The following RBFOX1 variants were observed in gnomAD, a reference collection of about 807,000 sequenced individuals.
The protein encoded by RBFOX1 is RNA binding fox-1 homolog 1.
In RBFOX1, 8 loss-of-function variants were observed where a neutral mutation model predicts 57.7. The observed-to-expected ratio is 0.14, with a 90% CI of 0.08 to 0.25. The LOEUF is 0.25. RBFOX1 is among the 10% of genes least tolerant of loss of function. RBFOX1 has a pLI of 1.00. For synonymous variants in RBFOX1, 326 were observed against 222.4 expected, an observed-to-expected ratio of 1.47 and a Z score of -4.15; for missense variants, 611 against 548.5, an observed-to-expected ratio of 1.11 and a Z score of -1.14.
At chr16:6,409,358 G>C (rs1412165500) in intron 2 of RBFOX1, among the ~76,000 whole-genome samples, 2 of 152,170 alleles carry the variant, frequency 1.3e-5, no homozygotes, top group African/African-American at 4.8e-5. Context: ...ATGTTGCAGT[G>C]AGCCGAGATC....
intron 6 of RBFOX1, among the ~76,000 whole-genome samples, chr16:7,584,865 C>T (rs545080778): frequency 3.3e-5 from 5 of 152,236 alleles, no homozygotes; most frequent in South Asian, 2.1e-4. Flanking sequence ...CTTTGAGAAC[C>T]GTCAACCTAA....
chr16:6,209,258 C>T (rs1180969520), intron 1 of RBFOX1, among the ~76,000 whole-genome samples: 1 of 152,134 alleles, frequency 6.6e-6, no homozygotes, highest in Non-Finnish European at 1.5e-5. Context: ...GAAGAGGGGC[C>T]ACGTTTTGTG....
At chr16:6,073,166 T>A (rs1003365249) in intron 1 of RBFOX1, among the ~76,000 whole-genome samples, 10 of 152,308 alleles carry the variant, frequency 6.6e-5, no homozygotes, top group African/African-American at 2.4e-4. Context: ...TGGCCACAAG[T>A]TGATAACTAA....
chr16:6,433,353 A>G (rs2094148445), intron 2 of RBFOX1, among the ~76,000 whole-genome samples: 1 of 152,228 alleles, frequency 6.6e-6, no homozygotes, highest in Non-Finnish European at 1.5e-5. Context: ...TATTTCAGTT[A>G]TCACTTCCAC....
At chr16:7,369,145 C>T (rs781593471) in intron 4 of RBFOX1, among the ~76,000 whole-genome samples, 27 of 152,034 alleles carry the variant, frequency 1.8e-4, no homozygotes, top group Admixed American at 2.0e-4. Flanking sequence ...TATCCCACTC[C>T]GGTGGGACCC....
chr16:7,301,035 T>C (rs1399027271), intron 4 of RBFOX1, among the ~76,000 whole-genome samples: 1 of 100,710 alleles, frequency 9.9e-6, no homozygotes, highest in Non-Finnish European at 2.3e-5. Flanking sequence ...TGGAGAATCA[T>C]GCCAGAGCTA....
chr16:6,217,174 C>CTTTTTTTTTTTTTTTT (rs71142697), intron 1 of RBFOX1, among the ~76,000 whole-genome samples: 3 of 119,058 alleles, frequency 2.5e-5, no homozygotes, highest in Non-Finnish European at 4.9e-5. Context: ...TTAGGGGATT[C>CTTTTTTTTTTTTTTTT]TTTTTTTTTT....
intron 2 of RBFOX1, among the ~76,000 whole-genome samples, chr16:5,498,993 C>G (rs1567165134): frequency 1.3e-5 from 2 of 152,254 alleles, no homozygotes; most frequent in South Asian, 2.1e-4. Flanking sequence ...TTCTAGAACC[C>G]CAGCCTCTAG....
intron 10 of RBFOX1, among the ~76,000 whole-genome samples, chr16:7,621,300 A>C (rs555096295): frequency 4.6e-5 from 7 of 151,948 alleles, no homozygotes; most frequent in African/African-American, 1.7e-4. Context: ...AGTCTCCATC[A>C]CCCAGGCTGG....
At chr16:7,627,172 T>G (rs1483017675) in intron 10 of RBFOX1, among the ~76,000 whole-genome samples, 5 of 142,510 alleles carry the variant, frequency 3.5e-5, no homozygotes, top group Non-Finnish European at 7.5e-5. Flanking sequence ...CTTGGCAACA[T>G]TCAATTCTAT....
intron 3 of RBFOX1, among the ~76,000 whole-genome samples, chr16:7,024,816 T>G (rs1046163198): frequency 1.3e-5 from 2 of 152,204 alleles, no homozygotes; most frequent in Non-Finnish European, 1.5e-5. Flanking sequence ...CTGTTGGATG[T>G]TAACCACGAT....
At chr16:7,463,733 T>C (rs143501775) in intron 4 of RBFOX1, among the ~76,000 whole-genome samples, 17 of 152,286 alleles carry the variant, frequency 1.1e-4, no homozygotes, top group Admixed American at 3.9e-4. Context: ...TGGGGGGCCG[T>C]TCTGCCTACT....
chr16:7,156,527 A>G (rs1315301594), intron 4 of RBFOX1, among the ~76,000 whole-genome samples: 6 of 152,110 alleles, frequency 3.9e-5, no homozygotes, highest in East Asian at 1.9e-4. Flanking sequence ...ATGTAGATAT[A>G]TATGTGTACA....
At chr16:5,545,887 G>A (rs1341868929) in intron 2 of RBFOX1, among the ~76,000 whole-genome samples, 1 of 152,018 alleles carries the variant, frequency 6.6e-6, no homozygotes, top group Non-Finnish European at 1.5e-5. Flanking sequence ...AAATAGATGT[G>A]TCTTTATTTA....
chr16:7,152,805 T>C (rs2076347555), intron 4 of RBFOX1, among the ~76,000 whole-genome samples: 1 of 152,196 alleles, frequency 6.6e-6, no homozygotes, highest in South Asian at 2.1e-4. Flanking sequence ...TGGACCATTT[T>C]CCCTCCCTAG....
intron 4 of RBFOX1, among the ~76,000 whole-genome samples, chr16:7,361,766 A>G (rs1233247696): frequency 2.6e-5 from 4 of 152,152 alleles, no homozygotes; most frequent in Admixed American, 2.0e-4. Context: ...AGGCTGCATC[A>G]AGGGGCAAAC....
At chr16:6,692,213 A>G (rs1229529179) in intron 3 of RBFOX1, among the ~76,000 whole-genome samples, 2 of 152,220 alleles carry the variant, frequency 1.3e-5, no homozygotes, top group African/African-American at 2.4e-5. Context: ...GTTTAGCATC[A>G]ATAGGAAACT....
intron 1 of RBFOX1, among the ~76,000 whole-genome samples, chr16:6,044,485 G>C (rs1415047741): frequency 2.6e-5 from 3 of 116,700 alleles, no homozygotes; most frequent in Non-Finnish European, 5.5e-5. Context: ...ACCTGTTTTA[G>C]GTTAAAAAAA....
intron 4 of RBFOX1, among the ~76,000 whole-genome samples, chr16:7,192,589 C>G (rs1259541645): frequency 6.6e-6 from 1 of 152,116 alleles, no homozygotes; most frequent in East Asian, 1.9e-4. Flanking sequence ...AGAGGAGATC[C>G]AGACACACGA....
Sources: allele counts gnomAD v4.1 joint callset (sites outside exome capture counted in the v4.1 genomes callset), GRCh38; gene constraint gnomAD v4.1.1; transcripts MANE v1.5; gene names NCBI Gene and HGNC (gene_info 2026-07-23, HGNC 2026-07-21).